The following TNFAIP8L3 variants were observed in gnomAD, a reference collection of about 807,000 sequenced individuals.
TNFAIP8L3 encodes the protein tumor necrosis factor alpha-induced protein 8-like protein 3.
A neutral mutation model predicts 11.8 loss-of-function variants in TNFAIP8L3; 7 were observed. The observed-to-expected ratio is 0.59, with a 90% CI of 0.34 to 1.11. The LOEUF (loss-of-function observed/expected upper bound fraction) is 1.11, where lower values mean the gene tolerates loss of function less well. TNFAIP8L3 is among the 50% of genes most tolerant of loss of function. The pLI is 0.03. For synonymous variants in TNFAIP8L3, 98 were observed against 103.8 expected, an observed-to-expected ratio of 0.94 and a Z score of 0.34; for missense variants, 219 against 258.6, an observed-to-expected ratio of 0.85 and a Z score of 1.05.
intron 1 of TNFAIP8L3, among the ~76,000 whole-genome samples, chr15:51,085,144 T>C (rs934864966): frequency 6.6e-6 from 1 of 151,706 alleles, no homozygotes; most frequent in Non-Finnish European, 1.5e-5. Context: ...ATCCTAAAGG[T>C]AGAGAGACCA....
chr15:51,100,207 C>A lies in TNFAIP8L3; in HGVS notation c.172+4798G>T, dbSNP rs148012343. Among the ~76,000 whole-genome samples, 159 of 152,204 alleles carry A rather than the reference C, an allele frequency of 1.0e-3. 1 individual carries two copies. The highest frequency in any genetic ancestry group is 3.6e-3 in the African/African-American group (150 of 41,520). ...TGAAGGGAAGTGACTGTCACAGATA[C>A]CATATGTTGTGATTTAAGTTTTGAG... On this transcript the variant is annotated intron_variant, in intron 1 of 2. Transcript: ENST00000327536.
upstream of TNFAIP8L3, among the ~76,000 whole-genome samples, chr15:51,095,221 GGCGGGGAATAAGGGAAGGGGA>G (rs148727483): frequency 0.19 from 27,337 of 143,280 alleles, 3,248 homozygotes; most frequent in East Asian, 0.41. Flanking sequence ...AGGGAAGGGG[GGCGGGGAATAAGGGAAGGGGA>G]GCGGGGAATA....
intron 1 of TNFAIP8L3, among the ~76,000 whole-genome samples, chr15:51,073,276 G>A (rs1386707980): frequency 2.6e-5 from 4 of 152,146 alleles, no homozygotes; most frequent in East Asian, 1.9e-4. Flanking sequence ...GACTATAGGC[G>A]TGAGCCACCA....
At chr15:51,102,120 C>G (rs2065557682) in intron 1 of TNFAIP8L3, among the ~76,000 whole-genome samples, 1 of 151,958 alleles carries the variant, frequency 6.6e-6, no homozygotes, top group South Asian at 2.1e-4. Context: ...GAGTCCACGA[C>G]TTTTTGGATT....
At chr15:51,059,929 C>T (rs1035742467) in intron 1 of TNFAIP8L3, among the ~76,000 whole-genome samples, 10 of 152,218 alleles carry the variant, frequency 6.6e-5, no homozygotes, top group African/African-American at 2.4e-4. Flanking sequence ...GCACCAGGGG[C>T]CTTCCACAGT....
chr15:51,084,183 G>GGTGT lies in TNFAIP8L3; in HGVS notation c.52+10357_52+10360dup, dbSNP rs59399155. Reference sequence around the variant, plus strand: ...ATATACAAAGGGGTAGATGTATAGGGGTGTGTGTGTGTGTGTGTGTATGCA... The same window carrying GGTGT: ...ATATACAAAGGGGTAGATGTATAGGGGTGTGTGTGTGTGTGTGTGTGTGTATGCA... On this transcript the variant is annotated intron_variant, in intron 1 of 1. Coordinates refer to ENST00000637513, the MANE Select transcript of TNFAIP8L3 (RefSeq NM_001311175.2). 1.2e-3 allele frequency among the ~76,000 whole-genome samples: 184 copies of GGTGT among 150,510 alleles called. 1 individual carries two copies. Among genetic ancestry groups the GGTGT allele is most frequent in the African/African-American group, 2.3e-3 (95 of 41,076 alleles).
intron 1 of TNFAIP8L3, among the ~76,000 whole-genome samples, chr15:51,077,462 G>A (rs1049068855): frequency 1.3e-5 from 2 of 152,202 alleles, no homozygotes; most frequent in Non-Finnish European, 2.9e-5. Context: ...CCTAAGCCAA[G>A]CACGCCCTGC....
chr15:51,103,110 G>A (rs1260716444), intron 1 of TNFAIP8L3, among the ~76,000 whole-genome samples: 2 of 150,952 alleles, frequency 1.3e-5, no homozygotes, highest in African/African-American at 2.4e-5. Flanking sequence ...TTTCTTTCCC[G>A]CCAAGTCTTC....
chr15:51,104,964 C>G, intron 1 of TNFAIP8L3: 1 of 1,613,516 alleles, frequency 6.2e-7, no homozygotes, highest in Non-Finnish European at 8.5e-7. Flanking sequence ...CCTCCCCGCC[C>G]CTATACTTCC....
Position 51,094,175 on chromosome 15 carries a change from T to C in TNFAIP8L3, c.52+369A>G, listed in dbSNP as rs2065493112. Among the ~76,000 whole-genome samples the C allele has an allele frequency of 6.6e-6, 1 of 152,176 alleles. No individual in the cohort carries two copies. Among genetic ancestry groups the C allele is most frequent in the African/African-American group, 2.4e-5 (1 of 41,456 alleles). ...GCAGCGCAGTCCCGGCGCCCCAGGT[T>C]CGAGGACCCGGCCCGCGCTCGGAAA... On this transcript the variant is annotated intron_variant, in intron 1 of 1. Transcript: ENST00000637513. This position sits in a 1 kb window ranked among gnomAD's most constrained non-coding sequence, Gnocchi z 4.4.
intron 1 of TNFAIP8L3, among the ~76,000 whole-genome samples, chr15:51,067,782 A>C (rs1379795372): frequency 6.6e-6 from 1 of 152,268 alleles, no homozygotes; most frequent in African/African-American, 2.4e-5. Flanking sequence ...ATTTCAAAAA[A>C]TGCCTGAAAG....
chr15:51,103,498 TA>T (rs2065567913), intron 1 of TNFAIP8L3, among the ~76,000 whole-genome samples: 1 of 152,260 alleles, frequency 6.6e-6, no homozygotes, highest in Non-Finnish European at 1.5e-5. Context: ...AGCTAGTTTT[TA>T]GATCTTGCCA....
chr15:51,068,825 G>A (rs1392271243), intron 1 of TNFAIP8L3, among the ~76,000 whole-genome samples: 4 of 151,882 alleles, frequency 2.6e-5, no homozygotes, highest in African/African-American at 4.8e-5. Flanking sequence ...GCGCCACCAC[G>A]CCTGGCTAAT....
chr15:51,058,412 C>T lies in TNFAIP8L3; in HGVS notation c.84G>A (p.Ala28=), dbSNP rs140282835. The T allele has an allele frequency of 2.1e-5, 33 of 1,603,626 alleles. No individual in the cohort carries two copies. The highest frequency in any genetic ancestry group is 2.5e-5 in the Non-Finnish European group (30 of 1,176,560). ...TCAGAATCTTCTTCTGGGCTTGAAGCGCAAGACTCTTTGAACTAAAAACAT... is the reference window on the plus strand; with the variant it reads ...TCAGAATCTTCTTCTGGGCTTGAAGTGCAAGACTCTTTGAACTAAAAACAT... ...GPDVFSSKSL[A]LQAQKKILSK... Residue 28 remains alanine, a synonymous_variant, in exon 2 of 2, where the codon GCG becomes GCA. Coordinates refer to ENST00000637513, the MANE Select transcript of TNFAIP8L3 (RefSeq NM_001311175.2).
intron 1 of TNFAIP8L3, among the ~76,000 whole-genome samples, chr15:51,068,669 T>G (rs865867016): frequency 0.014 from 2,104 of 145,968 alleles, 50 homozygotes; most frequent in African/African-American, 0.05. Context: ...TGTTTTTTTT[T>G]TTTTTTTTTT....
chr15:51,078,660 C>T (rs1324957558), intron 1 of TNFAIP8L3, among the ~76,000 whole-genome samples: 2 of 152,000 alleles, frequency 1.3e-5, no homozygotes, highest in African/African-American at 4.8e-5. Context: ...ATCCCTCCCC[C>T]TCCACATTCA....
intron 1 of TNFAIP8L3, among the ~76,000 whole-genome samples, chr15:51,061,895 T>C (rs1273063716): frequency 6.6e-6 from 1 of 152,184 alleles, no homozygotes; most frequent in Non-Finnish European, 1.5e-5. Context: ...AGGTATGGTG[T>C]CTTACCAAAA....
At chr15:51,102,361 C>A (rs2065560025) in intron 1 of TNFAIP8L3, among the ~76,000 whole-genome samples, 1 of 152,084 alleles carries the variant, frequency 6.6e-6, no homozygotes, top group Non-Finnish European at 1.5e-5. Context: ...TCTTTTAATT[C>A]TCTCATGTTT....
upstream of TNFAIP8L3, among the ~76,000 whole-genome samples, chr15:51,095,468 G>A (rs1362115862): frequency 6.6e-6 from 1 of 152,102 alleles, no homozygotes; most frequent in South Asian, 2.1e-4. Flanking sequence ...GGTGAAGCGG[G>A]TTCCGGGGGC....
Sources: allele counts gnomAD v4.1 joint callset (sites outside exome capture counted in the v4.1 genomes callset), GRCh38; gene constraint gnomAD v4.1.1; non-coding constraint Gnocchi (gnomAD v3.1); transcripts MANE v1.5; gene names NCBI Gene and HGNC (gene_info 2026-07-23, HGNC 2026-07-21).